The following DOCK2 variants were observed in gnomAD, a reference collection of about 807,000 sequenced individuals.
DOCK2 encodes the protein dedicator of cytokinesis protein 2.
In DOCK2, 87 loss-of-function variants were observed where a neutral mutation model predicts 248.9. The observed-to-expected ratio is 0.35, with a 90% confidence interval of 0.29 to 0.42. The LOEUF is 0.42. Among genes scored for constraint, DOCK2 ranks in the 10% least tolerant of loss-of-function variants. DOCK2 has a pLI of 1.00. For synonymous variants in DOCK2, 805 were observed against 821.6 expected (o/e 0.98, Z 0.35); for missense variants, 1,747 against 2,300.2 (o/e 0.76, Z 4.92).
intron 50 of DOCK2, 185 bp from the exon 51 acceptor site, chr5:170,081,657 C>G (rs1456387298): frequency 1.5e-6 from 1 of 686,216 alleles, no homozygotes; most frequent in African/African-American, 1.8e-5. Context: ...ATCTTCACTG[C>G]AAGAGGACAG....
At chr5:169,968,377 CT>C (rs1240653647) in intron 27 of DOCK2, among the ~76,000 whole-genome samples, 2 of 152,120 alleles carry the variant, frequency 1.3e-5, no homozygotes, top group Non-Finnish European at 1.5e-5. Flanking sequence ...TTACTGAGTG[CT>C]TTCTATGTGT....
At chr5:170,035,463 C>T (rs186735252) in intron 35 of DOCK2, among the ~76,000 whole-genome samples, 7 of 152,166 alleles carry the variant, frequency 4.6e-5, no homozygotes, top group Non-Finnish European at 8.8e-5. Context: ...TTAAAAATCC[C>T]GATGACAGCA....
In DOCK2 at chr5:169,706,930, G is replaced by T. The variant is rs10069924; in HGVS notation, c.1384-1239G>T. Among the ~76,000 whole-genome samples the T allele has an allele frequency of 3.6e-3, 545 of 152,278 alleles. 7 individuals are homozygous for T. Among genetic ancestry groups the T allele is most frequent in the African/African-American group, 0.013 (530 of 41,550 alleles). On this transcript the variant is annotated intron_variant, in intron 14 of 51. Transcript: ENST00000520908. ...GGAGTGCCTGTATGTGGCCAGCTTTGGTGATTCAGCCTGCTGAAGGTCAAG... is the reference window on the plus strand; with the variant it reads ...GGAGTGCCTGTATGTGGCCAGCTTTTGTGATTCAGCCTGCTGAAGGTCAAG...
At chr5:169,731,145 G>A (rs1762748357) in intron 22 of DOCK2, among the ~76,000 whole-genome samples, 1 of 152,134 alleles carries the variant, frequency 6.6e-6, no homozygotes, top group Non-Finnish European at 1.5e-5. Context: ...TGAGAGTACA[G>A]GTGTGAGCCA....
In DOCK2 at chr5:169,732,310, G is replaced by A. The variant is rs550894211; in HGVS notation, c.2267+13519G>A. ...GAACTCTTTTTGTATTCCTCATACC[G>A]TTATTTTCTCTCTGGAGGTCCTAAA... On this transcript the variant is annotated intron_variant, in intron 22 of 51. Coordinates refer to ENST00000520908, the MANE Select transcript of DOCK2 (RefSeq NM_004946.3). 2.9e-4 allele frequency among the ~76,000 whole-genome samples: 44 copies of A among 152,052 alleles called. No individual in the cohort carries two copies. The South Asian group carries it at 5.8e-3, about 20-fold the overall frequency.
Position 169,973,775 on chromosome 5 carries a change from C to T in DOCK2, c.2800-9293C>T, listed in dbSNP as rs191958002. On this transcript the variant is annotated intron_variant, in intron 27 of 51. Transcript: ENST00000520908. ...CCATAGAGAATAGTCATTAAGAGGG[C>T]TGGTTCTGTCTATGTAACTGTGTAA... is the stretch of plus-strand genomic sequence containing the variant. Among the ~76,000 whole-genome samples the T allele has an allele frequency of 3.3e-5, 5 of 152,268 alleles. No individual in the cohort carries two copies. In the East Asian group the frequency reaches 7.7e-4, roughly 23 times the overall value.
chr5:169,884,026 C>T, intron 27 of DOCK2: 2 of 848,026 alleles, frequency 2.4e-6, no homozygotes, highest in Non-Finnish European at 3.3e-6. Flanking sequence ...GAGTGGTCCT[C>T]TCCTCTTAGT....
chr5:170,001,385 A>G (rs1355190104), intron 30 of DOCK2, among the ~76,000 whole-genome samples: 1 of 152,222 alleles, frequency 6.6e-6, no homozygotes, highest in Non-Finnish European at 1.5e-5. Flanking sequence ...TGGACCAGTG[A>G]CAACCTTAAC....
intron 2 of DOCK2, among the ~76,000 whole-genome samples, chr5:169,659,196 G>A (rs949984997): frequency 6.6e-6 from 1 of 151,974 alleles, no homozygotes; most frequent in Non-Finnish European, 1.5e-5. Flanking sequence ...ATAAAGAAGT[G>A]AAAAGAGCAC....
chr5:169,897,118 G>A (rs533914873), intron 27 of DOCK2, among the ~76,000 whole-genome samples: 23 of 152,184 alleles, frequency 1.5e-4, no homozygotes, highest in Admixed American at 1.4e-3. Flanking sequence ...AAAATTTTAG[G>A]CTTTCTCTAT....
chr5:169,721,658 G>A (rs750239057), intron 22 of DOCK2, among the ~76,000 whole-genome samples: 4 of 152,118 alleles, frequency 2.6e-5, no homozygotes, highest in Non-Finnish European at 5.9e-5. Flanking sequence ...TAACTGCAGC[G>A]GATCTAGCTC....
In DOCK2 at chr5:170,076,111, G is replaced by A. The variant is rs138656840; in HGVS notation, c.4866+27G>A. On this transcript the variant is annotated intron_variant, in intron 47 of 51. Coordinates refer to ENST00000520908, the MANE Select transcript of DOCK2 (RefSeq NM_004946.3). ...TATGGGTGGTTCCTATGGCTTGGAG[G>A]GGTGGGATTGTGCAGGGTGGGGCAG... 254 of 1,611,770 alleles carry A rather than the reference G, an allele frequency of 1.6e-4. No individual in the cohort carries two copies. In the African/African-American group the frequency reaches 3.0e-3, roughly 19 times the overall value.
intron 44 of DOCK2, among the ~76,000 whole-genome samples, chr5:170,066,039 C>T (rs1757483295): frequency 6.6e-6 from 1 of 150,918 alleles, no homozygotes; most frequent in African/African-American, 2.4e-5. Context: ...GCAAGCTCCG[C>T]CTCCTGGGCT....
intron 25 of DOCK2, among the ~76,000 whole-genome samples, chr5:169,761,991 T>C (rs968207470): frequency 6.6e-6 from 1 of 152,234 alleles, no homozygotes; most frequent in Non-Finnish European, 1.5e-5. Flanking sequence ...TGTGTAAGAA[T>C]AAACTGGAGA....
intron 35 of DOCK2, among the ~76,000 whole-genome samples, chr5:170,035,334 T>A (rs1461923880): frequency 2.0e-5 from 3 of 152,160 alleles, no homozygotes; most frequent in Non-Finnish European, 2.9e-5. Context: ...TTCCCAAGGC[T>A]CCTGAAACAC....
chr5:169,811,261 C>T (rs7730161), intron 26 of DOCK2, among the ~76,000 whole-genome samples: 4,689 of 152,238 alleles, frequency 0.031, 229 homozygotes, highest in African/African-American at 0.11. Flanking sequence ...ACTCTGAGCT[C>T]TGGGTTCTCT....
chr5:169,749,344 C>T (rs1763780255), intron 23 of DOCK2, among the ~76,000 whole-genome samples: 1 of 152,156 alleles, frequency 6.6e-6, no homozygotes, highest in South Asian at 2.1e-4. Context: ...GCATTTCTAA[C>T]ACAGCTACCC....
chr5:169,802,194 C>T (rs1581210354), intron 25 of DOCK2, among the ~76,000 whole-genome samples: 1 of 152,182 alleles, frequency 6.6e-6, no homozygotes, highest in Admixed American at 6.5e-5. Flanking sequence ...TGCAGTCTCA[C>T]TCTGTTACCC....
At chr5:169,705,171 G>A (rs1300209038) in intron 14 of DOCK2, among the ~76,000 whole-genome samples, 1 of 151,938 alleles carries the variant, frequency 6.6e-6, no homozygotes, top group Non-Finnish European at 1.5e-5. Flanking sequence ...TCAACAAACA[G>A]ACAAAACACG....
Sources: allele counts gnomAD v4.1 joint callset (sites outside exome capture counted in the v4.1 genomes callset), GRCh38; gene constraint gnomAD v4.1.1; transcripts MANE v1.5; gene names NCBI Gene and HGNC (gene_info 2026-07-23, HGNC 2026-07-21).